Variants in FAM13A observed in about 807,000 individuals in gnomAD.
FAM13A encodes family with sequence similarity 13 member A.
In FAM13A, 76 loss-of-function variants were observed where a neutral mutation model predicts 129.6. The ratio of observed to expected loss-of-function variants is 0.59; its 90% confidence interval spans 0.49 to 0.71. The LOEUF is 0.71. FAM13A is among the 30% of genes least tolerant of loss of function. The probability of loss-of-function intolerance (pLI) is 0.00; values close to 1 mark genes in which losing one functional copy is unlikely to be tolerated. For synonymous variants in FAM13A, 443 were observed against 449.9 expected (o/e 0.98, Z 0.20); for missense variants, 1,108 against 1,249.3 (o/e 0.89, Z 1.70).
Position 88,849,430 on chromosome 4 carries a change from G to A in FAM13A, c.1007+1590C>T, listed in dbSNP as rs144165869. Among the ~76,000 whole-genome samples the A allele has an allele frequency of 3.3e-3, 500 of 152,166 alleles. 2 individuals are homozygous for A. Among genetic ancestry groups the A allele is most frequent in the African/African-American group, 0.01 (433 of 41,494 alleles). ...TTCGTATTACCTCTGGGATAAAATC[G>A]AGGTTCTCCTATTTCGGTTCTTTTG... On this transcript the variant is annotated intron_variant, in intron 7 of 23. Coordinates refer to ENST00000264344, the MANE Select transcript of FAM13A (RefSeq NM_014883.4).
At chr4:88,852,553 TTAATC>T (rs1737778851) in intron 6 of FAM13A, among the ~76,000 whole-genome samples, 1 of 152,214 alleles carries the variant, frequency 6.6e-6, no homozygotes. Flanking sequence ...GCCTGATACT[TTAATC>T]TAAGTTTTCT....
chr4:88,863,628 G>A (rs186479071), intron 6 of FAM13A, among the ~76,000 whole-genome samples: 5 of 152,232 alleles, frequency 3.3e-5, no homozygotes, highest in East Asian at 3.9e-4. Context: ...TTTGACTTGC[G>A]GGGACTATGC....
intron 6 of FAM13A, among the ~76,000 whole-genome samples, chr4:88,876,812 C>T (rs1282575228): frequency 6.6e-6 from 1 of 152,078 alleles, no homozygotes; most frequent in Admixed American, 6.6e-5. Context: ...AGGATGGTCT[C>T]GATTTCCTGA....
intron 8 of FAM13A, among the ~76,000 whole-genome samples, chr4:88,790,829 CT>C (rs1260894573): frequency 6.6e-6 from 1 of 152,076 alleles, no homozygotes; most frequent in Non-Finnish European, 1.5e-5. Flanking sequence ...ATAACAGTGG[CT>C]TTTTCTCCTT....
chr4:88,757,980 G>A (rs1206226239), intron 14 of FAM13A, among the ~76,000 whole-genome samples: 3 of 152,080 alleles, frequency 2.0e-5, no homozygotes, highest in Non-Finnish European at 4.4e-5. Context: ...CAGCCGTCAC[G>A]CACATACTGT....
intron 11 of FAM13A, among the ~76,000 whole-genome samples, chr4:88,774,622 T>C (rs1454783647): frequency 6.6e-6 from 1 of 152,228 alleles, no homozygotes; most frequent in Non-Finnish European, 1.5e-5. Context: ...GCAGCAGACA[T>C]GTTCTGGAGA....
chr4:88,962,543 T>A (rs1758771889), intron 4 of FAM13A, among the ~76,000 whole-genome samples: 1 of 152,088 alleles, frequency 6.6e-6, no homozygotes, highest in Admixed American at 6.6e-5. Flanking sequence ...GCAGGGAGGC[T>A]CCAGAGTGGT....
At chr4:88,847,324 A>T (rs556547144) in intron 7 of FAM13A, among the ~76,000 whole-genome samples, 8 of 152,108 alleles carry the variant, frequency 5.3e-5, no homozygotes, top group Admixed American at 2.0e-4. Context: ...TCAGGAAGTC[A>T]AGGCTGCAGT....
chr4:88,954,747 A>G (rs1757475342), intron 4 of FAM13A, among the ~76,000 whole-genome samples: 1 of 151,970 alleles, frequency 6.6e-6, no homozygotes, highest in African/African-American at 2.4e-5. Context: ...TTAGCCAGGT[A>G]TGGTGGTGCG....
intron 8 of FAM13A, among the ~76,000 whole-genome samples, chr4:88,793,144 C>T (rs1408954657): frequency 6.6e-6 from 1 of 151,942 alleles, no homozygotes; most frequent in African/African-American, 2.4e-5. Context: ...ATCTTCGCAA[C>T]TAAAATTCTT....
At chr4:89,023,476 C>A (rs1767550816) in intron 2 of FAM13A, among the ~76,000 whole-genome samples, 1 of 151,466 alleles carries the variant, frequency 6.6e-6, no homozygotes, top group Non-Finnish European at 1.5e-5. Context: ...CTTTCTTTTC[C>A]AACAAGGTTT....
intron 16 of FAM13A, among the ~76,000 whole-genome samples, 162 bp downstream of exon 16, chr4:88,749,609 G>A (rs1230976252): frequency 6.6e-6 from 1 of 151,388 alleles, no homozygotes; most frequent in East Asian, 1.9e-4. Context: ...GATACATAAT[G>A]ACTGGGGTTT....
chr4:88,732,713 GGCT>G (rs1738105905), intron 21 of FAM13A, among the ~76,000 whole-genome samples: 1 of 151,352 alleles, frequency 6.6e-6, no homozygotes, highest in African/African-American at 2.4e-5. Context: ...AATATTTTAT[GGCT>G]GCTTAATGCA....
intron 1 of FAM13A, among the ~76,000 whole-genome samples, chr4:89,053,902 A>G (rs1228500503): frequency 2.6e-5 from 4 of 152,222 alleles, no homozygotes; most frequent in Non-Finnish European, 5.9e-5. Context: ...CAGCAGGAGA[A>G]GCAGAAAATC....
chr4:88,987,851 A>AAAAAAAAAAAAAAC (rs1165291902), intron 4 of FAM13A, among the ~76,000 whole-genome samples: 1 of 151,094 alleles, frequency 6.6e-6, no homozygotes, highest in African/African-American at 2.4e-5. Flanking sequence ...AAAAAAAAAA[A>AAAAAAAAAAAAAAC]AAAACTTAAT....
intron 4 of FAM13A, among the ~76,000 whole-genome samples, chr4:88,974,206 G>A (rs1185048925): frequency 3.3e-5 from 5 of 152,134 alleles, no homozygotes; most frequent in Admixed American, 1.3e-4. Flanking sequence ...CTTATCCACC[G>A]GGAGCTTCCA....
chr4:89,029,706 T>A, intron 1 of FAM13A, 57 bp from the exon 2 acceptor site: 1 of 1,426,468 alleles, frequency 7.0e-7, no homozygotes, highest in South Asian at 1.2e-5. Context: ...GGAGGTTGCA[T>A]GGTTACAACA....
At chr4:89,043,166 C>T (rs1305380144) in intron 1 of FAM13A, among the ~76,000 whole-genome samples, 1 of 152,166 alleles carries the variant, frequency 6.6e-6, no homozygotes, top group African/African-American at 2.4e-5. Flanking sequence ...AGATAGAGCA[C>T]ACTGTCAGAA....
chr4:88,913,150 AGAG>A (rs1397022009), intron 5 of FAM13A, among the ~76,000 whole-genome samples: 14 of 141,680 alleles, frequency 9.9e-5, no homozygotes, highest in African/African-American at 1.4e-4. Flanking sequence ...AAGAGGAAGA[AGAG>A]GAGGAGGAGG....
Sources: allele counts gnomAD v4.1 joint callset (sites outside exome capture counted in the v4.1 genomes callset), GRCh38; gene constraint gnomAD v4.1.1; transcripts MANE v1.5; gene names NCBI Gene and HGNC (gene_info 2026-07-23, HGNC 2026-07-21).